Variants in PIEZO2 observed in about 807,000 individuals in gnomAD.
PIEZO2 encodes piezo-type mechanosensitive ion channel component 2.
Under a neutral mutation model 337.3 loss-of-function variants are expected in PIEZO2, and 172 were observed. The observed-to-expected ratio is 0.51, with a 90% confidence interval of 0.45 to 0.58. The LOEUF is 0.58. PIEZO2 is among the 20% of genes least tolerant of loss of function. PIEZO2 has a pLI of 0.00. For synonymous variants in PIEZO2, 1,251 were observed against 1,228.5 expected (o/e 1.02, Z -0.38); for missense variants, 3,028 against 3,391.3 (o/e 0.89, Z 2.66).
chr18:10,947,497 A>T (rs67616343), intron 3 of PIEZO2, among the ~76,000 whole-genome samples: 64,484 of 152,054 alleles, frequency 0.42, 14,534 homozygotes, highest in Non-Finnish European at 0.51. Flanking sequence ...AACATCAAAA[A>T]AGGTGAAGGC....
At chr18:11,062,323 C>G (rs976519415) in intron 2 of PIEZO2, among the ~76,000 whole-genome samples, 2 of 152,102 alleles carry the variant, frequency 1.3e-5, no homozygotes, top group African/African-American at 4.8e-5. Flanking sequence ...AAAACCTAGG[C>G]AATACCATTC....
intron 47 of PIEZO2, among the ~76,000 whole-genome samples, chr18:10,693,354 TTTTGTG>T (rs1425117107): frequency 0.031 from 3,753 of 121,576 alleles, 157 homozygotes; most frequent in African/African-American, 0.13. Flanking sequence ...CCAATCTGGA[TTTTGTG>T]TGTGTGTGTG....
chr18:10,911,798 A>C (rs471091), intron 3 of PIEZO2, among the ~76,000 whole-genome samples: 140,922 of 151,610 alleles, frequency 0.93, 65,551 homozygotes, highest in East Asian at 1. Context: ...ACAACAAAAT[A>C]TGCATGTGAC....
At chr18:10,939,268 C>G (rs576533211) in intron 3 of PIEZO2, among the ~76,000 whole-genome samples, 1 of 152,138 alleles carries the variant, frequency 6.6e-6, no homozygotes, top group Non-Finnish European at 1.5e-5. Context: ...GTTATATTAT[C>G]TACCACAAAA....
chr18:10,802,031 A>G (rs2039837082), intron 9 of PIEZO2, among the ~76,000 whole-genome samples: 1 of 145,244 alleles, frequency 6.9e-6, no homozygotes, highest in Admixed American at 7.2e-5. Context: ...GCTTGCAGTG[A>G]GCCGAGATCC....
chr18:10,879,571 AT>A (rs1280019056), intron 4 of PIEZO2, among the ~76,000 whole-genome samples: 1 of 151,678 alleles, frequency 6.6e-6, no homozygotes, highest in African/African-American at 2.4e-5. Flanking sequence ...AATTTTTTGT[AT>A]TTTTAGTATA....
At chr18:10,843,485 C>T (rs1683378) in intron 7 of PIEZO2, among the ~76,000 whole-genome samples, 48,358 of 151,892 alleles carry the variant, frequency 0.32, 8,343 homozygotes, top group East Asian at 0.65. Flanking sequence ...CTATTAATTT[C>T]TAAACTTGAA....
rs1284395013 is a variant in PIEZO2 at position 11,144,000 on chromosome 18, G to A, written c.64+4525C>T. Among the ~76,000 whole-genome samples the A allele has an allele frequency of 6.6e-6, 1 of 152,138 alleles. No individual in the cohort carries two copies. Among genetic ancestry groups the A allele is most frequent in the Admixed American group, 6.5e-5 (1 of 15,278 alleles). The stretch of plus-strand genomic sequence containing the variant: ...GAAAGAAAAGAGAAACAAACAAAAG[G>A]AACTCCACAATCATACAGTGAAGGG... On this transcript the variant is annotated intron_variant, in intron 1 of 55. Coordinates refer to ENST00000674853, the MANE Select transcript of PIEZO2 (RefSeq NM_001378183.1). This position sits in a 1 kb window ranked among gnomAD's most constrained non-coding sequence, Gnocchi z 4.9.
intron 44 of PIEZO2, among the ~76,000 whole-genome samples, chr18:10,698,159 A>C (rs2035181502): frequency 6.6e-6 from 1 of 152,266 alleles, no homozygotes; most frequent in African/African-American, 2.4e-5. Context: ...TAACTAGGGT[A>C]CTAGGATGCA....
At chr18:10,970,326 C>G (rs907204073) in intron 3 of PIEZO2, among the ~76,000 whole-genome samples, 1 of 152,288 alleles carries the variant, frequency 6.6e-6, no homozygotes, top group South Asian at 2.1e-4. Flanking sequence ...AGATGAGAAC[C>G]ATGGGGTAGG....
intron 2 of PIEZO2, among the ~76,000 whole-genome samples, chr18:10,987,570 TA>T (rs1022044221): frequency 6.6e-6 from 1 of 151,988 alleles, no homozygotes; most frequent in African/African-American, 2.4e-5. Flanking sequence ...CAAAATGTAT[TA>T]AAAATATGAA....
intron 4 of PIEZO2, among the ~76,000 whole-genome samples, chr18:10,893,401 T>TC (rs922623306): frequency 3.3e-5 from 5 of 152,142 alleles, no homozygotes; most frequent in African/African-American, 1.2e-4. Context: ...CTCACTGCTG[T>TC]CCCTGTCCTT....
At chr18:11,008,553 T>C (rs1185823892) in intron 2 of PIEZO2, among the ~76,000 whole-genome samples, 1 of 152,210 alleles carries the variant, frequency 6.6e-6, no homozygotes, top group Middle Eastern at 3.2e-3. Context: ...TTTAGTTCAC[T>C]GGCTTCCAAA....
In PIEZO2 at chr18:10,853,117, T is replaced by G. The variant is rs1010111085; in HGVS notation, c.917+2236A>C. Among the ~76,000 whole-genome samples, 5 of 152,154 alleles carry G rather than the reference T, an allele frequency of 3.3e-5. No homozygotes were observed. The highest frequency in any genetic ancestry group is 1.2e-4 in the African/African-American group (5 of 41,428). ...GGAGCATTCGGTGAGGGAAGAGCAC[T>G]TCAAGTGAGCGAAGAGCACTTCAAG... On this transcript the variant is annotated intron_variant, in intron 7 of 55. Transcript: ENST00000674853. The surrounding 1 kb of genome is among the most constrained non-coding windows in gnomAD (Gnocchi z 4.2).
chr18:10,755,958 G>A (rs973899383), intron 27 of PIEZO2, among the ~76,000 whole-genome samples: 1 of 149,396 alleles, frequency 6.7e-6, no homozygotes, highest in East Asian at 2.0e-4. Flanking sequence ...GGATGAAGAG[G>A]AGAGCTAGGG....
At chr18:11,015,492 T>C (rs926326596) in intron 2 of PIEZO2, among the ~76,000 whole-genome samples, 6 of 152,234 alleles carry the variant, frequency 3.9e-5, no homozygotes, top group Non-Finnish European at 7.3e-5. Flanking sequence ...AAGTCCTTTT[T>C]GCCCTATAAA....
chr18:10,717,206 G>A (rs1232894818), intron 37 of PIEZO2, among the ~76,000 whole-genome samples: 4 of 152,124 alleles, frequency 2.6e-5, no homozygotes, highest in African/African-American at 7.2e-5. Context: ...CCAAACTCTC[G>A]AAAAAGTGCC....
rs547875324 is a variant in PIEZO2 at position 11,092,029 on chromosome 18, CT to C, written c.65-25808del. The stretch of plus-strand genomic sequence containing the variant: ...ATAGCCAGTATCCCAATAAAAGACT[CT>C]TTGGAGGGTGTGGCAAATGTGGTCT... On this transcript the variant is annotated intron_variant, in intron 1 of 55. Transcript: ENST00000674853. This position sits in a 1 kb window ranked among gnomAD's most constrained non-coding sequence, Gnocchi z 4.5. Among the ~76,000 whole-genome samples, 3 of 152,322 alleles carry C rather than the reference CT, an allele frequency of 2.0e-5. No homozygotes were observed. In the East Asian group the frequency reaches 5.8e-4, roughly 29 times the overall value.
At chr18:11,034,589 G>A (rs1568315353) in intron 2 of PIEZO2, among the ~76,000 whole-genome samples, 1 of 152,096 alleles carries the variant, frequency 6.6e-6, no homozygotes, top group Non-Finnish European at 1.5e-5. Flanking sequence ...CACGCGCCTG[G>A]CTAAATGTAA....
Sources: allele counts gnomAD v4.1 joint callset (sites outside exome capture counted in the v4.1 genomes callset), GRCh38; gene constraint gnomAD v4.1.1; non-coding constraint Gnocchi (gnomAD v3.1); transcripts MANE v1.5; gene names NCBI Gene and HGNC (gene_info 2026-07-23, HGNC 2026-07-21).